RAP1GAP2: variants seen among roughly 807,000 people sequenced by gnomAD.
RAP1GAP2 encodes rap1 GTPase-activating protein 2.
Under a neutral mutation model 95.0 loss-of-function variants are expected in RAP1GAP2, and 27 were observed. That is an observed-to-expected ratio of 0.28 (90% CI 0.21 to 0.39). The LOEUF (loss-of-function observed/expected upper bound fraction) is 0.39. Ranked by LOEUF, RAP1GAP2 falls within the 10% of genes least tolerant of loss-of-function variation. The pLI, the probability that RAP1GAP2 is intolerant of heterozygous loss-of-function variation, is 1.00. For synonymous variants in RAP1GAP2, 373 were observed against 380.9 expected, an observed-to-expected ratio of 0.98 and a Z score of 0.24; for missense variants, 771 against 970.0, an observed-to-expected ratio of 0.79 and a Z score of 2.72.
chr17:2,850,474 C>T (rs1295363021), intron 2 of RAP1GAP2, among the ~76,000 whole-genome samples: 1 of 151,532 alleles, frequency 6.6e-6, no homozygotes, highest in Middle Eastern at 3.2e-3. Context: ...GGCAGCCGGG[C>T]GCTGTGGCTC....
chr17:2,924,249 A>C (rs752885857), intron 3 of RAP1GAP2, among the ~76,000 whole-genome samples: 1 of 152,152 alleles, frequency 6.6e-6, no homozygotes, highest in African/African-American at 2.4e-5. Context: ...TGTTCTCAGA[A>C]GAGCAGGCTG....
chr17:2,810,618 C>T (rs561178519), intron 2 of RAP1GAP2, among the ~76,000 whole-genome samples: 1 of 143,588 alleles, frequency 7.0e-6, no homozygotes, highest in African/African-American at 2.6e-5. Context: ...GCAACCTCTG[C>T]CTCCCAGGTT....
chr17:2,773,887 A>G (rs1175988672), upstream of RAP1GAP2, among the ~76,000 whole-genome samples: 1 of 151,860 alleles, frequency 6.6e-6, no homozygotes, highest in Non-Finnish European at 1.5e-5. Flanking sequence ...CCTCCCGAGT[A>G]GCTGGGATTA....
At chr17:2,782,326 A>G (rs2068680714) in intron 1 of RAP1GAP2, among the ~76,000 whole-genome samples, 1 of 152,144 alleles carries the variant, frequency 6.6e-6, no homozygotes. Context: ...TCAAGCTCTG[A>G]GTTGAGGAGA....
chr17:2,853,765 G>C (rs978351135), intron 2 of RAP1GAP2, among the ~76,000 whole-genome samples: 5 of 147,412 alleles, frequency 3.4e-5, no homozygotes, highest in African/African-American at 7.3e-5. Context: ...CCCGCGCCGG[G>C]GGAGCGGACG....
chr17:3,002,991 G>C (rs779141448), intron 14 of RAP1GAP2, among the ~76,000 whole-genome samples: 5 of 151,922 alleles, frequency 3.3e-5, no homozygotes, highest in Non-Finnish European at 4.4e-5. Flanking sequence ...AAGTGAAAAG[G>C]CCACTGGGCG....
chr17:2,935,030 C>T (rs1465987087), intron 3 of RAP1GAP2, among the ~76,000 whole-genome samples: 1 of 152,166 alleles, frequency 6.6e-6, no homozygotes, highest in African/African-American at 2.4e-5. Context: ...CATCAACCAG[C>T]TGATTTAGAC....
intron 3 of RAP1GAP2, among the ~76,000 whole-genome samples, chr17:2,912,519 T>A (rs1461493607): frequency 6.6e-6 from 1 of 152,098 alleles, no homozygotes; most frequent in Non-Finnish European, 1.5e-5. Context: ...GGAGCCTTTC[T>A]GGGCTGGGGC....
chr17:3,013,771 G>T (rs1006554807), intron 17 of RAP1GAP2, among the ~76,000 whole-genome samples: 10 of 151,442 alleles, frequency 6.6e-5, no homozygotes, highest in Non-Finnish European at 1.5e-4. Context: ...TGGAGCCCAG[G>T]GTTCTGGGTT....
intron 3 of RAP1GAP2, among the ~76,000 whole-genome samples, chr17:2,910,243 C>T (rs980341028): frequency 6.6e-6 from 1 of 152,198 alleles, no homozygotes; most frequent in Admixed American, 6.5e-5. Flanking sequence ...TGGTTGCTGA[C>T]AGTAAGGGAC....
intron 3 of RAP1GAP2, among the ~76,000 whole-genome samples, chr17:2,910,423 A>G (rs1336362366): frequency 1.3e-5 from 2 of 152,178 alleles, no homozygotes; most frequent in Admixed American, 6.5e-5. Flanking sequence ...CTGAGGCCAG[A>G]GACGCCCTGG....
intron 2 of RAP1GAP2, among the ~76,000 whole-genome samples, chr17:2,844,786 A>T (rs1462541835): frequency 6.6e-6 from 1 of 152,188 alleles, no homozygotes; most frequent in Non-Finnish European, 1.5e-5. Flanking sequence ...GATTACACCC[A>T]CAAAGAGGGG....
intron 22 of RAP1GAP2, among the ~76,000 whole-genome samples, chr17:3,030,121 TATATATAC>T (rs1348171548): frequency 6.8e-6 from 1 of 147,214 alleles, no homozygotes; most frequent in Non-Finnish European, 1.5e-5. Context: ...ATGTATATAT[TATATATAC>T]ATATATATTA....
rs5818880 is a variant in RAP1GAP2, at chr17:2,904,530, CTGTGTG to C, written c.81-720_81-715del. ...CCGAGGACAGCTTTTTGACCAGGGC[CTGTGTG>C]TGTGTGTGTGTGTGTGTGTGTGTGT... On this transcript the variant is annotated intron_variant, in intron 2 of 24. Coordinates refer to ENST00000254695, the MANE Select transcript of RAP1GAP2 (RefSeq NM_015085.5). This position sits in a 1 kb window ranked among gnomAD's most constrained non-coding sequence, Gnocchi z 4.7. 2.4e-4 allele frequency among the ~76,000 whole-genome samples: 31 copies of C among 129,160 alleles called. No individual in the cohort carries two copies. Among genetic ancestry groups the C allele is most frequent in the South Asian group, 1.6e-3 (6 of 3,762 alleles). The allele number at this position is 129,160 out of a possible 152,430, so 84.7% of individuals were successfully genotyped here.
intron 2 of RAP1GAP2, among the ~76,000 whole-genome samples, chr17:2,884,080 A>G (rs2073398874): frequency 6.6e-6 from 1 of 152,146 alleles, no homozygotes. Flanking sequence ...CTTGTTCAGC[A>G]CTGTTGGAGG....
intron 12 of RAP1GAP2, among the ~76,000 whole-genome samples, chr17:2,994,356 CTG>C (rs1232939713): frequency 2.0e-5 from 3 of 152,300 alleles, no homozygotes; most frequent in Non-Finnish European, 4.4e-5. Flanking sequence ...CTGCTGAAGA[CTG>C]TGATCAAAGC....
At chr17:2,790,531 A>G (rs2068898619) in intron 1 of RAP1GAP2, among the ~76,000 whole-genome samples, 1 of 152,178 alleles carries the variant, frequency 6.6e-6, no homozygotes, top group Non-Finnish European at 1.5e-5. Flanking sequence ...ACCTGCCCCC[A>G]GTGACTTAGA....
At chr17:2,782,113 G>A (rs905766207) in intron 1 of RAP1GAP2, among the ~76,000 whole-genome samples, 105 of 152,330 alleles carry the variant, frequency 6.9e-4, no homozygotes, top group African/African-American at 2.3e-3. Flanking sequence ...CTGCCCCCAC[G>A]GAGGCTCCCT....
At chr17:2,819,318 C>CTTTTTTTTTT (rs75707961) in intron 2 of RAP1GAP2, among the ~76,000 whole-genome samples, 1 of 134,680 alleles carries the variant, frequency 7.4e-6, no homozygotes. Flanking sequence ...CCATGCCTTG[C>CTTTTTTTTTT]TTTTTTTTTT....
Sources: gnomAD v4.1 joint callset for allele counts (sites outside exome capture counted in the v4.1 genomes callset) on GRCh38, gnomAD v4.1.1 for gene constraint, Gnocchi (gnomAD v3.1) non-coding constraint, MANE v1.5 for transcripts, NCBI Gene and HGNC (gene_info 2026-07-23, HGNC 2026-07-21) for gene names.